Variants in RAD17 observed in about 807,000 individuals in gnomAD.
RAD17 encodes RAD17 checkpoint clamp loader component.
In RAD17, 31 loss-of-function variants were observed where a neutral mutation model predicts 81.5. The ratio of observed to expected loss-of-function variants is 0.38; its 90% CI spans 0.29 to 0.51. The LOEUF (loss-of-function observed/expected upper bound fraction) is 0.51, where lower values mean the gene tolerates loss of function less well. Ranked by LOEUF, RAD17 falls within the 20% of genes least tolerant of loss-of-function variation. The pLI is 0.88. For missense variants in RAD17, 681 were observed against 781.2 expected, an observed-to-expected ratio of 0.87 and a Z score of 1.53; for synonymous variants, 261 against 266.2, an observed-to-expected ratio of 0.98 and a Z score of 0.19.
chr5:69,413,229 T>G (rs1299717000), intron 18 of RAD17, among the ~76,000 whole-genome samples: 1 of 152,056 alleles, frequency 6.6e-6, no homozygotes, highest in African/African-American at 2.4e-5. Context: ...TCACCTGAGT[T>G]CGGGAGTTCA....
At chr5:69,413,286 C>A (rs1029814771) in intron 18 of RAD17, among the ~76,000 whole-genome samples, 1 of 151,816 alleles carries the variant, frequency 6.6e-6, no homozygotes, top group African/African-American at 2.4e-5. Flanking sequence ...ACTAAAAATA[C>A]AAATTAGTTG....
At chr5:69,393,057 G>A (rs376389726) in intron 13 of RAD17, 98 bp from the exon 14 acceptor site, 25 of 671,264 alleles carry the variant, frequency 3.7e-5, no homozygotes, top group South Asian at 3.1e-4. Context: ...TTACTATGTT[G>A]GTATTGTATG....
At position 69,377,695 on chromosome 5, in the gene RAD17, A is replaced by ACATATATATATATG. The variant is rs1763596678; in HGVS notation, c.351+2995_351+2996insATGCATATATATAT. The stretch of plus-strand genomic sequence containing the variant: ...TATATATGCATATATATATATGTAT[A>ACATATATATATATG]CATATATATATGTATTGGGAAAAGT... On this transcript the variant is annotated intron_variant, in intron 6 of 18. Coordinates refer to ENST00000354868, the MANE Select transcript of RAD17 (RefSeq NM_133338.3). Among the ~76,000 whole-genome samples the ACATATATATATATG allele has an allele frequency of 2.0e-5, 2 of 102,182 alleles. 1 individual carries two copies. Among genetic ancestry groups the ACATATATATATATG allele is most frequent in the Non-Finnish European group, 3.9e-5 (2 of 51,046 alleles). The allele number at this position is 102,182 out of a possible 152,430, so 67.0% of individuals were successfully genotyped here.
upstream of RAD17, chr5:69,369,483 A>C (rs751087221): frequency 6.2e-7 from 1 of 1,611,304 alleles, no homozygotes; most frequent in East Asian, 2.2e-5. Context: ...GATGTTCGGA[A>C]GCAACATGGT....
In RAD17 at chr5:69,384,803, G is replaced by T; in HGVS notation, c.515G>T (p.Ser172Ile). The change falls in exon 8 of 19, where the codon AGC becomes ATC. Residue 172 changes from serine to isoleucine, a missense_variant. Transcript: ENST00000354868. ...DFKGMFNTES[S>I]FHMFPYQSQI... ...GTTATGTGTTTCCTTTCAGAATCAA[G>T]CTTCCATATGTTTCCCTATCAGTCT... 1 of 1,599,862 alleles carries T rather than the reference G, an allele frequency of 6.3e-7. No homozygotes were observed. The highest frequency in any genetic ancestry group is 8.5e-7 in the Non-Finnish European group (1 of 1,174,998).
intron 16 of RAD17, among the ~76,000 whole-genome samples, chr5:69,397,229 C>G (rs1477542691): frequency 1.3e-5 from 2 of 151,940 alleles, no homozygotes; most frequent in East Asian, 3.9e-4. Context: ...GCAACCTCTA[C>G]CTCCTAGGTT....
intron 18 of RAD17, among the ~76,000 whole-genome samples, chr5:69,411,978 A>G (rs1280393026): frequency 1.3e-5 from 2 of 151,920 alleles, no homozygotes; most frequent in African/African-American, 4.8e-5. Flanking sequence ...TTTTTTGTAG[A>G]CGGAGTCTAG....
intron 11 of RAD17, among the ~76,000 whole-genome samples, chr5:69,388,224 G>T (rs548755059): frequency 9.9e-5 from 15 of 152,148 alleles, no homozygotes; most frequent in African/African-American, 3.1e-4. Context: ...AGTTCAAGTG[G>T]CTCTGGTTTA....
At chr5:69,411,951 G>A (rs1326030027) in intron 18 of RAD17, among the ~76,000 whole-genome samples, 1 of 152,012 alleles carries the variant, frequency 6.6e-6, no homozygotes, top group Non-Finnish European at 1.5e-5. Flanking sequence ...TTGAGAGGCA[G>A]TATTTTCTTT....
intron 6 of RAD17, among the ~76,000 whole-genome samples, chr5:69,377,383 CTAT>C (rs1378794230): frequency 4.3e-5 from 6 of 141,080 alleles, no homozygotes; most frequent in Admixed American, 3.0e-4. Context: ...ATTGGTGTTA[CTAT>C]TATTATTCTA....
At chr5:69,375,683 T>C (rs538284375) in intron 6 of RAD17, among the ~76,000 whole-genome samples, 15 of 152,324 alleles carry the variant, frequency 9.8e-5, no homozygotes, top group African/African-American at 3.1e-4. Flanking sequence ...TTATTCTCTC[T>C]AACAAAGTTA....
rs149252846 is a variant in RAD17, at chr5:69,409,573, A to C, written c.1694-920A>C. Among the ~76,000 whole-genome samples the C allele has an allele frequency of 4.4e-3, 669 of 152,284 alleles. 8 individuals carry two copies. The highest frequency in any genetic ancestry group is 0.016 in the African/African-American group (652 of 41,564). On this transcript the variant is annotated intron_variant, in intron 17 of 18. Transcript: ENST00000354868. ...GAGACTTCAAATGATTGATTTTTAA[A>C]AGTTTTCACCGATTTTGCTTATCTT...
Position 69,377,474 on chromosome 5 carries a change from TACACACACAC to T in RAD17, c.351+2767_351+2776del, listed in dbSNP as rs1284487463. ...ATATATATATATATATATATATATATACACACACACACATATATATACGTATATATATGTA... is the reference window on the plus strand; with the variant it reads ...ATATATATATATATATATATATATATACATATATATACGTATATATATGTA... On this transcript the variant is annotated intron_variant, in intron 6 of 18. Coordinates refer to ENST00000354868, the MANE Select transcript of RAD17 (RefSeq NM_133338.3). Among the ~76,000 whole-genome samples the T allele has an allele frequency of 7.8e-4, 8 of 10,196 alleles. 1 individual carries two copies. Among genetic ancestry groups the T allele is most frequent in the Non-Finnish European group, 7.8e-4 (2 of 2,566 alleles). The allele number at this position is 10,196 out of a possible 152,430, so 6.7% of individuals were successfully genotyped here. A position where few individuals can be genotyped will look rare whatever the true frequency, so the allele number is the denominator to read the frequency against.
At chr5:69,381,735 T>A (rs577941211) in intron 6 of RAD17, among the ~76,000 whole-genome samples, 166 bp from the exon 7 acceptor site, 9 of 152,180 alleles carry the variant, frequency 5.9e-5, no homozygotes, top group African/African-American at 1.9e-4. Flanking sequence ...AAGAAAAAAA[T>A]AAAGCTGGTT....
At chr5:69,407,578 T>TTTTG (rs1765697663) in intron 17 of RAD17, among the ~76,000 whole-genome samples, 1 of 130,228 alleles carries the variant, frequency 7.7e-6, no homozygotes, top group Non-Finnish European at 1.6e-5. Flanking sequence ...TTTTTTTTTT[T>TTTTG]TTTTTTTTTT....
chr5:69,410,609 C>G lies in RAD17; in HGVS notation c.1751+59C>G, dbSNP rs1765913215. 4 of 1,437,050 alleles carry G rather than the reference C, an allele frequency of 2.8e-6. No homozygotes were observed. The South Asian group carries it at 4.7e-5, about 17-fold the overall frequency. 89.0% of individuals were successfully genotyped at this position (1,437,050 alleles called of 1,614,324 possible). A position where few individuals can be genotyped will look rare whatever the true frequency, so the allele number is the denominator to read the frequency against. On this transcript the variant is annotated intron_variant, in intron 18 of 18. Transcript: ENST00000354868. Reference sequence around the variant, plus strand: ...TAATGAAATGTCTACTGAATATGTTCAGTATGAATCAATAACTGTTACCTG... The same window carrying G: ...TAATGAAATGTCTACTGAATATGTTGAGTATGAATCAATAACTGTTACCTG...
At chr5:69,389,011 T>A (rs759005161) in intron 11 of RAD17, 23 bp from the exon 12 acceptor site, 68 of 1,262,618 alleles carry the variant, frequency 5.4e-5, no homozygotes, top group South Asian at 3.8e-4. Flanking sequence ...TACTTTTTTT[T>A]AAATTTAATT....
chr5:69,410,296 C>T (rs1306392881), intron 17 of RAD17, among the ~76,000 whole-genome samples, 197 bp from the exon 18 acceptor site: 1 of 152,162 alleles, frequency 6.6e-6, no homozygotes, highest in Admixed American at 6.5e-5. Flanking sequence ...TCCAGCTTCT[C>T]CACATCCTTA....
chr5:69,385,200 TATGC>T (rs1764122688), intron 8 of RAD17, among the ~76,000 whole-genome samples: 1 of 151,666 alleles, frequency 6.6e-6, no homozygotes, highest in Non-Finnish European at 1.5e-5. Context: ...GACCTCATGA[TATGC>T]CCACCGTGGC....
Sources: allele counts gnomAD v4.1 joint callset (sites outside exome capture counted in the v4.1 genomes callset), GRCh38; gene constraint gnomAD v4.1.1; transcripts MANE v1.5; gene names NCBI Gene and HGNC (gene_info 2026-07-23, HGNC 2026-07-21).